The following ANKH variants were observed in gnomAD, a reference collection of about 807,000 sequenced individuals.
ANKH encodes the protein mineralization regulator ANKH.
A neutral mutation model predicts 49.0 loss-of-function variants in ANKH; 15 were observed. The observed-to-expected ratio is 0.31, with a 90% CI of 0.20 to 0.47. The LOEUF (loss-of-function observed/expected upper bound fraction) is 0.47. Among genes scored for constraint, ANKH ranks in the 20% least tolerant of loss-of-function variants. The pLI is 1.00. For missense variants in ANKH, 429 were observed against 652.0 expected (o/e 0.66, Z 3.72); for synonymous variants, 273 against 260.0 (o/e 1.05, Z -0.48).
At chr5:14,807,629 G>A (rs1279968203) in intron 1 of ANKH, among the ~76,000 whole-genome samples, 12 of 152,172 alleles carry the variant, frequency 7.9e-5, no homozygotes, top group Admixed American at 6.5e-4. Flanking sequence ...TCTCTGAGAG[G>A]CAGACACTGT....
rs1436377344 is a variant in ANKH, at chr5:14,778,025, C to G, written c.97-8834G>C. On this transcript the variant is annotated intron_variant, in intron 1 of 11. Coordinates refer to ENST00000284268, the MANE Select transcript of ANKH (RefSeq NM_054027.6). ...TCCAGTGAACAGCACCTCCCTGCCT[C>G]TGCCACTTGTGTTACCTCCACCTGA... is the stretch of plus-strand genomic sequence containing the variant. Among the ~76,000 whole-genome samples, 3 of 152,238 alleles carry G rather than the reference C, an allele frequency of 2.0e-5. 1 individual carries two copies. In the South Asian group the frequency reaches 6.2e-4, roughly 32 times the overall value.
intron 7 of ANKH, among the ~76,000 whole-genome samples, chr5:14,744,791 C>G (rs1738477511): frequency 6.6e-6 from 1 of 152,232 alleles, no homozygotes. Context: ...CTCTCAGAAC[C>G]CACAAACGGT....
intron 1 of ANKH, among the ~76,000 whole-genome samples, chr5:14,859,934 C>A (rs1223391569): frequency 6.6e-6 from 1 of 152,228 alleles, no homozygotes; most frequent in Non-Finnish European, 1.5e-5. Flanking sequence ...CTCTACTATA[C>A]CTGGAATTAA....
intron 1 of ANKH, among the ~76,000 whole-genome samples, chr5:14,794,444 G>A (rs1204369268): frequency 2.6e-5 from 4 of 152,212 alleles, no homozygotes; most frequent in African/African-American, 9.6e-5. Context: ...AAGAGGCTCT[G>A]GGGATGTTCC....
intron 1 of ANKH, among the ~76,000 whole-genome samples, chr5:14,862,967 G>A (rs1241240060): frequency 6.6e-6 from 1 of 152,142 alleles, no homozygotes; most frequent in Non-Finnish European, 1.5e-5. Context: ...TGGCATTCTA[G>A]TGAATTTTAG....
intron 1 of ANKH, among the ~76,000 whole-genome samples, chr5:14,779,136 C>T (rs1214082737): frequency 6.6e-6 from 1 of 152,184 alleles, no homozygotes; most frequent in Non-Finnish European, 1.5e-5. Context: ...CTCTTCCTCA[C>T]CTCCTCCCTC....
Position 14,738,202 on chromosome 5 carries a change from C to G in ANKH, c.1011+3625G>C, listed in dbSNP as rs192225489. ...ATGTGTAATAGGGAATAAACAAACA[C>G]GTCATTGTAACATGCTGAAATGAGC... On this transcript the variant is annotated intron_variant, in intron 8 of 11. Coordinates refer to ENST00000284268, the MANE Select transcript of ANKH (RefSeq NM_054027.6). 6.2e-4 allele frequency among the ~76,000 whole-genome samples: 94 copies of G among 152,304 alleles called. 1 individual carries two copies. The East Asian group carries it at 0.014, about 22-fold the overall frequency.
chr5:14,800,587 A>G (rs1160015746), intron 1 of ANKH, among the ~76,000 whole-genome samples: 1 of 152,072 alleles, frequency 6.6e-6, no homozygotes, highest in Admixed American at 6.5e-5. Flanking sequence ...AATGATTACA[A>G]CTCTTTGAAA....
intron 1 of ANKH, among the ~76,000 whole-genome samples, chr5:14,789,540 C>A (rs765000586): frequency 6.6e-6 from 1 of 151,222 alleles, no homozygotes; most frequent in Non-Finnish European, 1.5e-5. Context: ...GGCTTGGTAA[C>A]CTCTCTTTAA....
At chr5:14,824,872 C>G (rs1741294814) in intron 1 of ANKH, among the ~76,000 whole-genome samples, 1 of 152,158 alleles carries the variant, frequency 6.6e-6, no homozygotes. Flanking sequence ...TTTCTCAACT[C>G]AGTGAAAATA....
intron 8 of ANKH, among the ~76,000 whole-genome samples, chr5:14,739,399 G>A (rs376918722): frequency 6.6e-6 from 1 of 152,030 alleles, no homozygotes; most frequent in Non-Finnish European, 1.5e-5. Flanking sequence ...CCTGGGCGAC[G>A]GAGTGAGACT....
Position 14,714,147 on chromosome 5 carries a change from G to A in ANKH, c.1142-480C>T, listed in dbSNP as rs557876992. ...GTGGGGTAGGAGGAGGAAGCTGCTC[G>A]TCCCCACTTCCCTCTGTTCTTTCCC... On this transcript the variant is annotated intron_variant, in intron 9 of 11. Coordinates refer to ENST00000284268, the MANE Select transcript of ANKH (RefSeq NM_054027.6). Among the ~76,000 whole-genome samples the A allele has an allele frequency of 1.5e-4, 23 of 152,330 alleles. 1 individual carries two copies. Among genetic ancestry groups the A allele is most frequent in the East Asian group, 1.4e-3 (7 of 5,168 alleles).
At chr5:14,722,833 C>T (rs1455249258) in intron 8 of ANKH, among the ~76,000 whole-genome samples, 2 of 152,066 alleles carry the variant, frequency 1.3e-5, no homozygotes, top group African/African-American at 2.4e-5. Context: ...AAAGGAAACC[C>T]GTCCTGACAG....
At chr5:14,756,253 AAC>A (rs1738880415) in intron 3 of ANKH, among the ~76,000 whole-genome samples, 1 of 152,228 alleles carries the variant, frequency 6.6e-6, no homozygotes, top group Non-Finnish European at 1.5e-5. Flanking sequence ...GAATGGAAGA[AAC>A]ACAATCTCTG....
chr5:14,804,766 C>T (rs6884206), intron 1 of ANKH, among the ~76,000 whole-genome samples: 42,558 of 152,114 alleles, frequency 0.28, 6,013 homozygotes, highest in Admixed American at 0.34. Flanking sequence ...TATCAGCGCT[C>T]ACTGGCATTT....
chr5:14,805,224 C>T (rs1740668421), intron 1 of ANKH, among the ~76,000 whole-genome samples: 1 of 151,682 alleles, frequency 6.6e-6, no homozygotes, highest in Admixed American at 6.6e-5. Flanking sequence ...CATCTTTCTC[C>T]CATGCTGGAT....
At chr5:14,771,932 A>C (rs200132168) in intron 1 of ANKH, among the ~76,000 whole-genome samples, 62 of 131,174 alleles carry the variant, frequency 4.7e-4, no homozygotes, top group East Asian at 1.2e-3. Flanking sequence ...AAAAAAAAAA[A>C]AAAAAAAAAA....
chr5:14,772,373 T>C (rs73048893), intron 1 of ANKH, among the ~76,000 whole-genome samples: 1,781 of 152,302 alleles, frequency 0.012, 40 homozygotes, highest in African/African-American at 0.041. Context: ...AGAATAAAAA[T>C]GTATGCTAGC....
At chr5:14,774,547 C>T (rs1739551629) in intron 1 of ANKH, among the ~76,000 whole-genome samples, 1 of 152,136 alleles carries the variant, frequency 6.6e-6, no homozygotes, top group African/African-American at 2.4e-5. Flanking sequence ...AAGCAATTCT[C>T]CTGCCTCAGC....
Sources: gnomAD v4.1 joint callset for allele counts (sites outside exome capture counted in the v4.1 genomes callset) on GRCh38, gnomAD v4.1.1 for gene constraint, MANE v1.5 for transcripts, NCBI Gene and HGNC (gene_info 2026-07-23, HGNC 2026-07-21) for gene names.